RAB3C: variants seen among roughly 807,000 people sequenced by gnomAD.
The protein encoded by RAB3C is ras-related protein Rab-3C.
A neutral mutation model predicts 26.4 loss-of-function variants in RAB3C; 17 were observed. That is an observed-to-expected ratio of 0.64 (90% confidence interval 0.44 to 0.97). The LOEUF (loss-of-function observed/expected upper bound fraction) is 0.97, where lower values mean the gene tolerates loss of function less well. Ranked by LOEUF, RAB3C falls within the 50% of genes least tolerant of loss-of-function variation. The probability of loss-of-function intolerance (pLI) is 0.00; values close to 1 mark genes in which losing one functional copy is unlikely to be tolerated. For missense variants in RAB3C, 242 were observed against 281.9 expected (o/e 0.86, Z 1.01); for synonymous variants, 91 against 95.9 (o/e 0.95, Z 0.30).
chr5:58,683,724 C>T (rs1210586721), intron 2 of RAB3C, among the ~76,000 whole-genome samples: 1 of 152,238 alleles, frequency 6.6e-6, no homozygotes, highest in Non-Finnish European at 1.5e-5. Flanking sequence ...CTGTTCCACT[C>T]CATCCTGTCT....
chr5:58,829,296 C>CT (rs1743560866), intron 4 of RAB3C, among the ~76,000 whole-genome samples: 1 of 151,946 alleles, frequency 6.6e-6, no homozygotes, highest in Non-Finnish European at 1.5e-5. Context: ...TAGTATGGTA[C>CT]TTATATATGT....
chr5:58,596,004 TATAAGGGGA>T (rs1746239529), intron 1 of RAB3C, among the ~76,000 whole-genome samples: 1 of 152,142 alleles, frequency 6.6e-6, no homozygotes, highest in Non-Finnish European at 1.5e-5. Context: ...ATCTAAGTTG[TATAAGGGGA>T]AGATGGCTGC....
intron 2 of RAB3C, among the ~76,000 whole-genome samples, chr5:58,677,873 A>G (rs1378527966): frequency 6.6e-6 from 1 of 152,182 alleles, no homozygotes; most frequent in African/African-American, 2.4e-5. Context: ...TTCCTGTGAC[A>G]TATCTTTTGT....
chr5:58,814,674 G>C (rs1743179790), intron 3 of RAB3C: 1 of 152,182 alleles, frequency 6.6e-6, no homozygotes, highest in South Asian at 2.1e-4. Context: ...TCCTAGGTCA[G>C]ACTTTCATTC....
intron 2 of RAB3C, among the ~76,000 whole-genome samples, chr5:58,690,358 T>C (rs1028403988): frequency 6.6e-6 from 1 of 152,158 alleles, no homozygotes; most frequent in African/African-American, 2.4e-5. Context: ...TTACTTCTCA[T>C]GGTTTCCTAT....
chr5:58,756,825 T>A (rs1741678846), intron 3 of RAB3C, among the ~76,000 whole-genome samples: 1 of 151,706 alleles, frequency 6.6e-6, no homozygotes, highest in Admixed American at 6.6e-5. Flanking sequence ...TGCAACATTT[T>A]CTTTATCCAG....
At chr5:58,806,832 A>T (rs1192318102) in intron 3 of RAB3C, among the ~76,000 whole-genome samples, 1 of 152,134 alleles carries the variant, frequency 6.6e-6, no homozygotes. Flanking sequence ...TGTAGCCAAA[A>T]TCAATACTGG....
At chr5:58,613,479 G>T (rs1452297310) in intron 1 of RAB3C, among the ~76,000 whole-genome samples, 1 of 152,024 alleles carries the variant, frequency 6.6e-6, no homozygotes, top group Non-Finnish European at 1.5e-5. Context: ...ATCTGAAAAA[G>T]ATAACTAATA....
intron 4 of RAB3C, among the ~76,000 whole-genome samples, chr5:58,844,862 G>T (rs1307656055): frequency 1.3e-5 from 2 of 152,146 alleles, no homozygotes; most frequent in African/African-American, 2.4e-5. Context: ...AGATCAGAGT[G>T]CCCCAAGCGA....
chr5:58,615,395 C>A (rs996147432), intron 1 of RAB3C, among the ~76,000 whole-genome samples: 1 of 152,138 alleles, frequency 6.6e-6, no homozygotes, highest in Non-Finnish European at 1.5e-5. Context: ...TAATGAAGGC[C>A]ATTTTTAGGC....
chr5:58,632,587 C>T (rs938971274), intron 2 of RAB3C, among the ~76,000 whole-genome samples: 3 of 152,172 alleles, frequency 2.0e-5, no homozygotes, highest in Non-Finnish European at 4.4e-5. Flanking sequence ...TTTCTCAGAC[C>T]TCCTTCTGTT....
chr5:58,630,061 A>T (rs576077605), intron 2 of RAB3C, among the ~76,000 whole-genome samples: 1 of 152,186 alleles, frequency 6.6e-6, no homozygotes, highest in African/African-American at 2.4e-5. Flanking sequence ...TCACAAATAT[A>T]CCTAACTCAG....
chr5:58,598,702 T>C (rs561472329), intron 1 of RAB3C, among the ~76,000 whole-genome samples: 1 of 152,284 alleles, frequency 6.6e-6, no homozygotes, highest in African/African-American at 2.4e-5. Flanking sequence ...TCTTAGCTTC[T>C]ACCCCAAGAG....
At chr5:58,695,750 T>C (rs1237389132) in intron 2 of RAB3C, among the ~76,000 whole-genome samples, 1 of 152,214 alleles carries the variant, frequency 6.6e-6, no homozygotes, top group Non-Finnish European at 1.5e-5. Flanking sequence ...ATAGGAATGC[T>C]TGTGTTTTTT....
chr5:58,629,027 GAAAAAAAAAAAAA>G (rs70973148), intron 2 of RAB3C, among the ~76,000 whole-genome samples: 5 of 56,056 alleles, frequency 8.9e-5, no homozygotes, highest in Non-Finnish European at 1.2e-4. Context: ...CTCACTTCTG[GAAAAAAAAAAAAA>G]AAAAAAAAAA....
At chr5:58,659,229 C>T (rs189461293) in intron 2 of RAB3C, among the ~76,000 whole-genome samples, 4 of 152,280 alleles carry the variant, frequency 2.6e-5, no homozygotes, top group Admixed American at 6.5e-5. Flanking sequence ...TATATATATA[C>T]ACATGCACAT....
intron 3 of RAB3C, among the ~76,000 whole-genome samples, chr5:58,745,818 T>C (rs115057692): frequency 2.7e-3 from 416 of 152,344 alleles, no homozygotes; most frequent in African/African-American, 9.4e-3. Context: ...TACTTTGCTG[T>C]AAAGTTCTTG....
intron 4 of RAB3C, among the ~76,000 whole-genome samples, chr5:58,845,187 C>A (rs1743961507): frequency 6.6e-6 from 1 of 152,124 alleles, no homozygotes; most frequent in Admixed American, 6.5e-5. Context: ...ACACTTCTGG[C>A]CTAAGGCCCT....
intron 2 of RAB3C, among the ~76,000 whole-genome samples, chr5:58,653,157 A>T (rs959623102): frequency 6.6e-6 from 1 of 151,446 alleles, no homozygotes; most frequent in African/African-American, 2.4e-5. Context: ...CCAGTGTGTG[A>T]TGTTCCCCTC....
Sources: gnomAD v4.1 joint callset for allele counts (sites outside exome capture counted in the v4.1 genomes callset) on GRCh38, gnomAD v4.1.1 for gene constraint, MANE v1.5 for transcripts, NCBI Gene and HGNC (gene_info 2026-07-23, HGNC 2026-07-21) for gene names.